FBXO17: variants seen among roughly 807,000 people sequenced by gnomAD.
FBXO17 encodes F-box only protein 17.
A neutral mutation model predicts 34.1 loss-of-function variants in FBXO17; 43 were observed. That is an observed-to-expected ratio of 1.26 (90% CI 0.99 to 1.62). FBXO17 has a LOEUF of 1.62. FBXO17 is among the 40% of genes most tolerant of loss of function. The pLI is 0.00. For synonymous variants in FBXO17, 169 were observed against 166.0 expected (o/e 1.02, Z -0.14); for missense variants, 424 against 386.7 (o/e 1.10, Z -0.81).
At chr19:38,944,003 G>A (rs1974934505) in intron 5 of FBXO17, among the ~76,000 whole-genome samples, 1 of 152,104 alleles carries the variant, frequency 6.6e-6, no homozygotes, top group Non-Finnish European at 1.5e-5. Context: ...CTGCATCCAT[G>A]AGCTGTCATT....
At chr19:38,949,523 T>C (rs892076278) in intron 2 of FBXO17, among the ~76,000 whole-genome samples, 2 of 151,194 alleles carry the variant, frequency 1.3e-5, no homozygotes, top group African/African-American at 4.9e-5. Flanking sequence ...CGTGAGCTAC[T>C]GCACCCCACC....
intron 1 of FBXO17, among the ~76,000 whole-genome samples, chr19:38,960,864 C>T (rs1003319614): frequency 3.5e-5 from 5 of 143,198 alleles, no homozygotes; most frequent in East Asian, 4.2e-4. Flanking sequence ...TGGAGTGCAA[C>T]GGCATGATCT....
chr19:38,953,262 A>G (rs1443684551), intron 1 of FBXO17, among the ~76,000 whole-genome samples: 1 of 152,056 alleles, frequency 6.6e-6, no homozygotes, highest in East Asian at 1.9e-4. Context: ...AGCTATGATT[A>G]TGCCACTGTA....
At chr19:38,951,252 A>G (rs1026524356) in intron 1 of FBXO17, among the ~76,000 whole-genome samples, 1 of 146,708 alleles carries the variant, frequency 6.8e-6, no homozygotes, top group Non-Finnish European at 1.5e-5. Flanking sequence ...TATAGCCTCT[A>G]CCTCCTGGGC....
At chr19:38,966,428 G>A (rs944816057) in intron 1 of FBXO17, among the ~76,000 whole-genome samples, 1 of 151,798 alleles carries the variant, frequency 6.6e-6, no homozygotes, top group Non-Finnish European at 1.5e-5. Context: ...CTCAGCCACC[G>A]AGCCTGGCCT....
chr19:38,950,627 G>C (rs756251785), intron 1 of FBXO17, among the ~76,000 whole-genome samples: 1 of 152,216 alleles, frequency 6.6e-6, no homozygotes, highest in Admixed American at 6.5e-5. Context: ...AATGGCAAAA[G>C]AACTAACATA....
chr19:38,943,088 C>G (rs1250973428), intron 5 of FBXO17, among the ~76,000 whole-genome samples: 1 of 151,956 alleles, frequency 6.6e-6, no homozygotes, highest in Admixed American at 6.6e-5. Context: ...TCCCAGGCAG[C>G]AGGAACGGCC....
At chr19:38,966,518 T>C (rs1010974325) in intron 1 of FBXO17, among the ~76,000 whole-genome samples, 2 of 152,130 alleles carry the variant, frequency 1.3e-5, no homozygotes, top group African/African-American at 4.8e-5. Context: ...TAGCTAGTCC[T>C]GGGAACACTT....
At position 38,942,288 on chromosome 19, in the gene FBXO17, G is replaced by T; in HGVS notation, c.*320C>A. 1 of 160,994 alleles carries T rather than the reference G, an allele frequency of 6.2e-6. No homozygotes were observed. Among genetic ancestry groups the T allele is most frequent in the Non-Finnish European group, 1.2e-5 (1 of 80,506 alleles). The allele number at this position is 160,994 out of a possible 1,614,324, so 10.0% of individuals were successfully genotyped here. ...TTTTTTTTTTTTTTTCATTGATATAGGGTCTTGCTTTCTCACCCAGGCTGG... is the reference window on the plus strand; with the variant it reads ...TTTTTTTTTTTTTTTCATTGATATATGGTCTTGCTTTCTCACCCAGGCTGG... On this transcript the variant is annotated 3_prime_UTR_variant, in exon 6 of 6. Coordinates refer to ENST00000292852, the MANE Select transcript of FBXO17 (RefSeq NM_024907.7).
chr19:38,952,772 C>T (rs1172534240), intron 1 of FBXO17: 6 of 459,228 alleles, frequency 1.3e-5, no homozygotes, highest in Admixed American at 1.2e-4. Context: ...ATCTCCCTCT[C>T]GTGGTCAAAC....
At chr19:38,958,230 G>A (rs1975195974) in intron 1 of FBXO17, among the ~76,000 whole-genome samples, 1 of 151,416 alleles carries the variant, frequency 6.6e-6, no homozygotes, top group African/African-American at 2.4e-5. Context: ...TAGCCAACAT[G>A]GTGAAACCCG....
At chr19:38,952,775 G>A (rs1403589695) in intron 1 of FBXO17, 2 of 458,840 alleles carry the variant, frequency 4.4e-6, no homozygotes, top group Admixed American at 2.3e-5. Context: ...TCCCTCTCGT[G>A]GTCAAACCCA....
intron 1 of FBXO17, among the ~76,000 whole-genome samples, chr19:38,964,641 C>T (rs1235753850): frequency 3.9e-5 from 6 of 151,988 alleles, no homozygotes; most frequent in African/African-American, 1.2e-4. Flanking sequence ...GTTGCAAGCG[C>T]CTGTAGTCCC....
chr19:38,973,594 T>G (rs1600208484), intron 1 of FBXO17, among the ~76,000 whole-genome samples: 1 of 152,190 alleles, frequency 6.6e-6, no homozygotes, highest in East Asian at 1.9e-4. Context: ...TAAGGCAAAC[T>G]TTTCTATTTG....
At chr19:38,972,528 G>A (rs1975403110) in intron 1 of FBXO17, among the ~76,000 whole-genome samples, 2 of 149,084 alleles carry the variant, frequency 1.3e-5, no homozygotes, top group African/African-American at 2.5e-5. Context: ...CTGGGCGACA[G>A]AGTGAGACCC....
At position 38,942,751 on chromosome 19, in the gene FBXO17, C is replaced by A. The variant is rs1188698119; in HGVS notation, c.694G>T (p.Val232Phe). 6 of 1,603,038 alleles carry A rather than the reference C, an allele frequency of 3.7e-6. No individual in the cohort carries two copies. The Admixed American group carries it at 6.9e-5, about 18-fold the overall frequency. The change falls in exon 6 of 6, where the codon GTC (valine) becomes TTC (phenylalanine). Residue 232 changes from valine (V) to phenylalanine (F), a missense_variant and splice_region_variant. Coordinates refer to ENST00000292852, the MANE Select transcript of FBXO17 (RefSeq NM_024907.7). Reference protein sequence around the residue: ...LQWTERGCRQVSHVFTNFGKG... With the variant: ...LQWTERGCRQFSHVFTNFGKG... ...CCAAAGTTGGTGAAGACGTGGGAGA[C>A]CTGCAGGGGGAAGGGGAGTGAGAGG...
chr19:38,945,901 GA>G, intron 4 of FBXO17: 1 of 180,752 alleles, frequency 5.5e-6, no homozygotes, highest in Non-Finnish European at 1.2e-5. Context: ...TGGGGGACGG[GA>G]AAGGATGCTC....
chr19:38,960,436 C>T (rs569290804), intron 1 of FBXO17, among the ~76,000 whole-genome samples: 45 of 152,170 alleles, frequency 3.0e-4, no homozygotes, highest in East Asian at 9.7e-4. Context: ...TGAGGAGACC[C>T]GAACAGCTGG....
intron 1 of FBXO17, among the ~76,000 whole-genome samples, chr19:38,960,801 C>A (rs1216818256): frequency 4.3e-5 from 5 of 116,642 alleles, no homozygotes; most frequent in African/African-American, 1.4e-4. Context: ...AGCCCCTGCA[C>A]CCGGCCACTT....
Sources: allele counts gnomAD v4.1 joint callset (sites outside exome capture counted in the v4.1 genomes callset), GRCh38; gene constraint gnomAD v4.1.1; transcripts MANE v1.5; gene names NCBI Gene and HGNC (gene_info 2026-07-23, HGNC 2026-07-21).